NCALD: variants seen among roughly 807,000 people sequenced by gnomAD.
NCALD encodes neurocalcin-delta.
In NCALD, 10 loss-of-function variants were observed where a neutral mutation model predicts 18.6. That is an observed-to-expected ratio of 0.54 (90% CI 0.33 to 0.91). The LOEUF is 0.91. Among genes scored for constraint, NCALD ranks in the 40% least tolerant of loss-of-function variants. The pLI is 0.03. For synonymous variants in NCALD, 88 were observed against 87.4 expected (o/e 1.01, Z -0.04); for missense variants, 184 against 247.6 (o/e 0.74, Z 1.72).
intron 1 of NCALD, among the ~76,000 whole-genome samples, chr8:102,073,421 A>G (rs531068890): frequency 3.0e-4 from 46 of 152,330 alleles, no homozygotes; most frequent in Non-Finnish European, 5.7e-4. Flanking sequence ...CCTGTTTTTG[A>G]TGATGAGAAT....
At chr8:102,120,535 A>C (rs1308743428) in intron 1 of NCALD, among the ~76,000 whole-genome samples, 4 of 152,222 alleles carry the variant, frequency 2.6e-5, no homozygotes, top group Non-Finnish European at 5.9e-5. Context: ...AGATGGTACT[A>C]AAAATGGTGC....
At chr8:102,106,473 A>ACG (rs1424974423) in intron 1 of NCALD, among the ~76,000 whole-genome samples, 1 of 146,688 alleles carries the variant, frequency 6.8e-6, no homozygotes, top group East Asian at 1.9e-4. Flanking sequence ...ATATACACAC[A>ACG]CACACACACA....
At chr8:101,916,513 T>A (rs1225184070) in intron 2 of NCALD, among the ~76,000 whole-genome samples, 1 of 152,096 alleles carries the variant, frequency 6.6e-6, no homozygotes, top group Non-Finnish European at 1.5e-5. Context: ...GATCAAAACC[T>A]TACATATCAC....
intron 1 of NCALD, among the ~76,000 whole-genome samples, chr8:102,085,230 GC>G (rs1404390995): frequency 1.3e-5 from 2 of 152,094 alleles, no homozygotes; most frequent in African/African-American, 4.8e-5. Flanking sequence ...GCAGAACTCT[GC>G]CATCTACCCA....
chr8:101,733,801 T>C (rs1197053295), intron 1 of NCALD, among the ~76,000 whole-genome samples: 1 of 152,218 alleles, frequency 6.6e-6, no homozygotes, highest in African/African-American at 2.4e-5. Context: ...TCTGTGGATG[T>C]GCACCCAGAG....
At chr8:101,922,445 T>TA (rs1818200718) in intron 2 of NCALD, among the ~76,000 whole-genome samples, 1 of 152,208 alleles carries the variant, frequency 6.6e-6, no homozygotes, top group Non-Finnish European at 1.5e-5. Flanking sequence ...CTATCTTACC[T>TA]ATTTGTTCCC....
chr8:101,962,381 C>T (rs578062857), intron 2 of NCALD, among the ~76,000 whole-genome samples: 1 of 152,322 alleles, frequency 6.6e-6, no homozygotes, highest in African/African-American at 2.4e-5. Context: ...CTCTTCCATT[C>T]AGCTTGCTTT....
chr8:101,925,230 G>A (rs1326258015), intron 2 of NCALD, among the ~76,000 whole-genome samples: 5 of 152,168 alleles, frequency 3.3e-5, no homozygotes, highest in African/African-American at 1.2e-4. Flanking sequence ...CCCCTTGGAA[G>A]AGTGGCTGGG....
At chr8:101,835,381 C>T (rs1814370045) in intron 4 of NCALD, among the ~76,000 whole-genome samples, 1 of 152,248 alleles carries the variant, frequency 6.6e-6, no homozygotes, top group Admixed American at 6.5e-5. Flanking sequence ...TCTGGCAATG[C>T]CTGGAGACAT....
At chr8:101,867,324 C>T (rs1815814665) in intron 4 of NCALD, among the ~76,000 whole-genome samples, 1 of 152,178 alleles carries the variant, frequency 6.6e-6, no homozygotes, top group Non-Finnish European at 1.5e-5. Context: ...TTATGTTGTT[C>T]CCTACCTAAA....
At chr8:101,984,308 A>C (rs958531458) in intron 2 of NCALD, among the ~76,000 whole-genome samples, 1 of 152,230 alleles carries the variant, frequency 6.6e-6, no homozygotes, top group Admixed American at 6.5e-5. Context: ...ATAGACATAG[A>C]CTTCTTCCAA....
intron 1 of NCALD, among the ~76,000 whole-genome samples, chr8:102,075,652 T>A (rs1046921544): frequency 6.6e-6 from 1 of 152,156 alleles, no homozygotes; most frequent in South Asian, 2.1e-4. Flanking sequence ...GAATCAAGAC[T>A]CATGAAAATG....
chr8:101,842,813 G>A (rs1196339671), intron 4 of NCALD, among the ~76,000 whole-genome samples: 2 of 152,224 alleles, frequency 1.3e-5, no homozygotes, highest in African/African-American at 2.4e-5. Flanking sequence ...GTAACAGGCA[G>A]CAGCAAGGGG....
chr8:102,068,487 C>T (rs1020576548), intron 1 of NCALD, among the ~76,000 whole-genome samples: 1 of 152,200 alleles, frequency 6.6e-6, no homozygotes, highest in African/African-American at 2.4e-5. Flanking sequence ...CTGTTCTTCA[C>T]AAGGCTTGAG....
At chr8:101,883,167 T>C (rs1415618267) in intron 4 of NCALD, among the ~76,000 whole-genome samples, 1 of 152,020 alleles carries the variant, frequency 6.6e-6, no homozygotes, top group African/African-American at 2.4e-5. Flanking sequence ...AGGCCATGAG[T>C]TCTAGACTAG....
intron 3 of NCALD, chr8:101,691,975 T>C (rs2129957389): frequency 1.0e-6 from 1 of 985,394 alleles, no homozygotes; most frequent in African/African-American, 1.7e-5. Context: ...AACATTTAAA[T>C]AGGGTTGCCA....
At chr8:101,974,251 C>A (rs971680517) in intron 2 of NCALD, among the ~76,000 whole-genome samples, 3 of 152,166 alleles carry the variant, frequency 2.0e-5, no homozygotes, top group Admixed American at 6.5e-5. Context: ...TACTTTTGCA[C>A]CAACCTAATA....
At chr8:101,860,731 A>G (rs761215537) in intron 4 of NCALD, among the ~76,000 whole-genome samples, 20 of 152,106 alleles carry the variant, frequency 1.3e-4, no homozygotes, top group Non-Finnish European at 2.6e-4. Context: ...TGTGCACTGG[A>G]GAATTGAGGG....
At chr8:102,020,586 T>C (rs777326358) in intron 1 of NCALD, among the ~76,000 whole-genome samples, 1 of 152,194 alleles carries the variant, frequency 6.6e-6, no homozygotes, top group Admixed American at 6.5e-5. Context: ...TTATCCCACT[T>C]CAATCCCACT....
Sources: allele counts gnomAD v4.1 joint callset (sites outside exome capture counted in the v4.1 genomes callset), GRCh38; gene constraint gnomAD v4.1.1; transcripts MANE v1.5; gene names NCBI Gene and HGNC (gene_info 2026-07-23, HGNC 2026-07-21).